The following GRIA1 variants were observed in gnomAD, a reference collection of about 807,000 sequenced individuals.
The protein encoded by GRIA1 is glutamate ionotropic receptor AMPA type subunit 1.
A neutral mutation model predicts 99.2 loss-of-function variants in GRIA1; 31 were observed. The ratio of observed to expected loss-of-function variants is 0.31; its 90% CI spans 0.23 to 0.42. GRIA1 has a LOEUF of 0.42. GRIA1 is among the 10% of genes least tolerant of loss of function. The pLI is 1.00. For synonymous variants in GRIA1, 438 were observed against 432.4 expected (o/e 1.01, Z -0.16); for missense variants, 782 against 1,157.5 (o/e 0.68, Z 4.71).
intron 11 of GRIA1, among the ~76,000 whole-genome samples, chr5:153,758,477 T>A (rs935107463): frequency 2.0e-5 from 3 of 151,900 alleles, no homozygotes; most frequent in Admixed American, 6.6e-5. Context: ...AAGGCAATTA[T>A]ATAACGGTAA....
intron 11 of GRIA1, among the ~76,000 whole-genome samples, chr5:153,726,610 C>G (rs1412994355): frequency 6.6e-6 from 1 of 152,208 alleles, no homozygotes; most frequent in Non-Finnish European, 1.5e-5. Context: ...ACTACAAACA[C>G]CTCTACGCAA....
intron 2 of GRIA1, among the ~76,000 whole-genome samples, chr5:153,529,081 C>A (rs529745284): frequency 6.6e-6 from 1 of 152,298 alleles, no homozygotes; most frequent in African/African-American, 2.4e-5. Flanking sequence ...TCACTAGGGT[C>A]ATGTTTGCCT....
chr5:153,811,166 C>T lies in GRIA1; in HGVS notation c.2662C>T (p.Gln888Ter). 6.2e-7 allele frequency: 1 copy of T among 1,614,094 alleles called. No individual in the cohort carries two copies. Reference protein sequence around the residue: ...VVSHDFPKSMQSIPCMSHSSG... With the variant: ...VVSHDFPKSM The stretch of plus-strand genomic sequence containing the variant: ...CAGCCATGACTTCCCCAAGTCCATG[C>T]AATCGATTCCTTGCATGAGCCACAG... The change falls in exon 16 of 16, where the codon CAA (glutamine) becomes TAA (stop). Residue 888 changes from glutamine (Q) to a stop codon, truncating the protein, a stop_gained. Coordinates refer to ENST00000285900, the MANE Select transcript of GRIA1 (RefSeq NM_000827.4). LOFTEE classifies it high-confidence loss of function.
chr5:153,541,023 T>C (rs371630351), intron 2 of GRIA1, among the ~76,000 whole-genome samples: 19 of 152,324 alleles, frequency 1.2e-4, no homozygotes, highest in African/African-American at 4.3e-4. Flanking sequence ...AATTCCCATT[T>C]CCAGGCTCTT....
chr5:153,516,380 C>T (rs1042431170), intron 2 of GRIA1, among the ~76,000 whole-genome samples: 7 of 151,708 alleles, frequency 4.6e-5, no homozygotes, highest in African/African-American at 1.7e-4. Context: ...CCCATTTGCT[C>T]TATGTGCTAG....
rs115942828 is a variant in GRIA1, at chr5:153,764,361, G to A, written c.1824-73G>A. ...CGCTCTGCTGCCAAGCCCCGGACCC[G>A]TGCTCAGTCCCTCCCCAGAGCTTTC... On this transcript the variant is annotated intron_variant, in intron 11 of 15. Coordinates refer to ENST00000285900, the MANE Select transcript of GRIA1 (RefSeq NM_000827.4). The A allele has an allele frequency of 4.1e-4, 480 of 1,161,194 alleles. 5 individuals are homozygous for A. In the African/African-American group the frequency reaches 4.6e-3, roughly 11 times the overall value. 71.9% of individuals were successfully genotyped at this position (1,161,194 alleles called of 1,614,324 possible).
chr5:153,765,406 G>C (rs1378863795), intron 12 of GRIA1, among the ~76,000 whole-genome samples: 1 of 152,216 alleles, frequency 6.6e-6, no homozygotes, highest in Non-Finnish European at 1.5e-5. Context: ...AATCAGTGGA[G>C]GTTCCATATA....
At chr5:153,598,546 G>A (rs1247354619) in intron 2 of GRIA1, among the ~76,000 whole-genome samples, 1 of 152,126 alleles carries the variant, frequency 6.6e-6, no homozygotes, top group Non-Finnish European at 1.5e-5. Context: ...AAGCAGCAGA[G>A]GTGAGGGAAG....
chr5:153,687,456 T>C (rs1757419705), intron 8 of GRIA1, among the ~76,000 whole-genome samples: 1 of 152,204 alleles, frequency 6.6e-6, no homozygotes, highest in Admixed American at 6.5e-5. Context: ...AAGTTCTAAG[T>C]ACTGGAACTG....
At position 153,555,831 on chromosome 5, in the gene GRIA1, G is replaced by A. The variant is rs117072001; in HGVS notation, c.220+61766G>A. 2.5e-3 allele frequency among the ~76,000 whole-genome samples: 379 copies of A among 152,300 alleles called. 8 individuals carry two copies. The South Asian group carries it at 0.034, about 14-fold the overall frequency. ...TGAAAGTCGAATCATTTGATCCAACGGGAAAGAAGCTAAAATTGTCCTGAC... is the reference window on the plus strand; with the variant it reads ...TGAAAGTCGAATCATTTGATCCAACAGGAAAGAAGCTAAAATTGTCCTGAC... On this transcript the variant is annotated intron_variant, in intron 2 of 15. Coordinates refer to ENST00000285900, the MANE Select transcript of GRIA1 (RefSeq NM_000827.4).
chr5:153,631,191 A>G (rs1320598593), intron 2 of GRIA1, among the ~76,000 whole-genome samples: 2 of 152,226 alleles, frequency 1.3e-5, no homozygotes, highest in African/African-American at 4.8e-5. Context: ...CATCTAGATA[A>G]TCAATGAGCT....
chr5:153,745,961 G>C (rs1762129712), intron 11 of GRIA1, among the ~76,000 whole-genome samples: 1 of 152,152 alleles, frequency 6.6e-6, no homozygotes, highest in Admixed American at 6.5e-5. Flanking sequence ...CATTGTGCTT[G>C]TCCTCACGAC....
chr5:153,748,413 T>C (rs913021618), intron 11 of GRIA1, among the ~76,000 whole-genome samples: 1 of 152,092 alleles, frequency 6.6e-6, no homozygotes, highest in African/African-American at 2.4e-5. Flanking sequence ...GGCTGGAACA[T>C]AGCATGGAGG....
chr5:153,766,011 A>G (rs1303253655), intron 12 of GRIA1, among the ~76,000 whole-genome samples: 3 of 152,208 alleles, frequency 2.0e-5, no homozygotes, highest in Admixed American at 6.5e-5. Context: ...ATCTCACTAC[A>G]ACTTCTTGGA....
At chr5:153,773,527 C>T (rs1171746605) in intron 13 of GRIA1, among the ~76,000 whole-genome samples, 1 of 152,182 alleles carries the variant, frequency 6.6e-6, no homozygotes, top group Non-Finnish European at 1.5e-5. Flanking sequence ...CAGCACCATT[C>T]CTTTGAGGAG....
chr5:153,550,796 G>A (rs1760064800), intron 2 of GRIA1, among the ~76,000 whole-genome samples: 1 of 152,070 alleles, frequency 6.6e-6, no homozygotes, highest in South Asian at 2.1e-4. Flanking sequence ...TCATCTGGAC[G>A]GCTTGAGAAA....
At chr5:153,751,765 T>C (rs961069939) in intron 11 of GRIA1, among the ~76,000 whole-genome samples, 2 of 152,222 alleles carry the variant, frequency 1.3e-5, no homozygotes, top group African/African-American at 4.8e-5. Flanking sequence ...CATCAGATCC[T>C]TACTATCTTC....
chr5:153,806,542 G>A (rs1766439720), intron 15 of GRIA1, among the ~76,000 whole-genome samples: 1 of 152,148 alleles, frequency 6.6e-6, no homozygotes, highest in Admixed American at 6.5e-5. Flanking sequence ...GGGACCACAG[G>A]CATGAGCCAC....
chr5:153,499,484 A>C (rs1407132994), intron 2 of GRIA1, among the ~76,000 whole-genome samples: 1 of 151,816 alleles, frequency 6.6e-6, no homozygotes, highest in Non-Finnish European at 1.5e-5. Flanking sequence ...GCGTGGTGGC[A>C]CGCACCTGTA....
Sources: allele counts gnomAD v4.1 joint callset (sites outside exome capture counted in the v4.1 genomes callset), GRCh38; gene constraint gnomAD v4.1.1; transcripts MANE v1.5; gene names NCBI Gene and HGNC (gene_info 2026-07-23, HGNC 2026-07-21).